The following MECR variants were observed in gnomAD, a reference collection of about 807,000 sequenced individuals.
The protein encoded by MECR is mitochondrial trans-2-enoyl-CoA reductase.
A neutral mutation model predicts 49.1 loss-of-function variants in MECR; 37 were observed. The observed-to-expected ratio is 0.75, with a 90% CI of 0.58 to 0.99. MECR has a LOEUF of 0.99. Ranked by LOEUF, MECR falls within the 50% of genes least tolerant of loss-of-function variation. The pLI, the probability that MECR is intolerant of heterozygous loss-of-function variation, is 0.00. For synonymous variants in MECR, 198 were observed against 191.1 expected (o/e 1.04, Z -0.30); for missense variants, 470 against 479.6 (o/e 0.98, Z 0.19).
downstream of MECR, among the ~76,000 whole-genome samples, chr1:29,191,614 G>A (rs1673134838): frequency 6.6e-6 from 1 of 152,186 alleles, no homozygotes; most frequent in Admixed American, 6.5e-5. Flanking sequence ...CACTAACCTA[G>A]AGGACAGGGA....
chr1:29,199,622 T>C (rs1443495890), intron 7 of MECR, among the ~76,000 whole-genome samples: 1 of 151,866 alleles, frequency 6.6e-6, no homozygotes, highest in Admixed American at 6.6e-5. Flanking sequence ...TAGGTAACTT[T>C]TTTTTTTCTT....
chr1:29,200,074 T>C lies in MECR; in HGVS notation c.830+442A>G, dbSNP rs191174159. Among the ~76,000 whole-genome samples, 4 of 152,362 alleles carry C rather than the reference T, an allele frequency of 2.6e-5. No individual in the cohort carries two copies. In the East Asian group the frequency reaches 7.7e-4, roughly 29 times the overall value. ...CAGTGCCCAGCCAACAGGAAACTTT[T>C]ATGCTTAAGTTTTCCTTTGCACTTT... On this transcript the variant is annotated intron_variant, in intron 7 of 9. Transcript: ENST00000263702.
chr1:29,209,462 T>C (rs1372308832), intron 3 of MECR, among the ~76,000 whole-genome samples: 1 of 152,134 alleles, frequency 6.6e-6, no homozygotes, highest in African/African-American at 2.4e-5. Flanking sequence ...GATCACTTTA[T>C]TGCTGGGTGA....
At chr1:29,188,342 A>G (rs936038077), downstream of MECR, among the ~76,000 whole-genome samples, 1 of 151,754 alleles carries the variant, frequency 6.6e-6, no homozygotes, top group Admixed American at 6.6e-5. Flanking sequence ...GGTGCCTGCC[A>G]CCACGCCCGG....
the MECR span, among the ~76,000 whole-genome samples, chr1:29,180,851 G>A: frequency 6.6e-6 from 1 of 152,204 alleles, no homozygotes; most frequent in Non-Finnish European, 1.5e-5. Flanking sequence ...CTCTGGGGGA[G>A]GCAGTAAGTT....
At position 29,201,795 on chromosome 1, in the gene MECR, A is replaced by G; in HGVS notation, c.756+148T>C. 2 of 720,764 alleles carry G rather than the reference A, an allele frequency of 2.8e-6. No individual in the cohort carries two copies. Among genetic ancestry groups the G allele is most frequent in the Non-Finnish European group, 4.9e-6 (2 of 406,270 alleles). The allele number at this position is 720,764 out of a possible 1,614,324, so 44.6% of individuals were successfully genotyped here. A position where few individuals can be genotyped will look rare whatever the true frequency, so the allele number is the denominator to read the frequency against. On this transcript the variant is annotated intron_variant, in intron 6 of 9. Transcript: ENST00000263702. The surrounding 1 kb of genome is among the most constrained non-coding windows in gnomAD (Gnocchi z 4.3). Reference sequence around the variant, plus strand: ...AATGCGTGCTGCCTGCCGCCTGGCTAGGGGGAATGGGCTTTAACCAACCAA... The same window carrying G: ...AATGCGTGCTGCCTGCCGCCTGGCTGGGGGGAATGGGCTTTAACCAACCAA...
chr1:29,199,421 G>C (rs1047437937), intron 7 of MECR, among the ~76,000 whole-genome samples: 1 of 151,786 alleles, frequency 6.6e-6, no homozygotes, highest in East Asian at 2.0e-4. Context: ...TAGACACGGG[G>C]TTTCACCGTG....
At chr1:29,184,212 G>A in the MECR span, among the ~76,000 whole-genome samples, 1 of 131,336 alleles carries the variant, frequency 7.6e-6, no homozygotes, top group African/African-American at 2.9e-5. Context: ...GTCTTGGTCT[G>A]TTGCCCAAGA....
rs749792867 is a variant in MECR, at chr1:29,230,733, G to T, written c.174C>A (p.Val58=). 1 of 1,575,716 alleles carries T rather than the reference G, an allele frequency of 6.3e-7. No homozygotes were observed. The highest frequency in any genetic ancestry group is 8.6e-7 in the Non-Finnish European group (1 of 1,160,590). ...YGHHGDPAKV[V]ELKNLELAAV... is the part of the protein sequence containing the mutation. ...CCGGCTTCGGCGCCGTCTCTTACTC[G>T]ACGACCTTGGCTGGATCCCCGTGGT... is the stretch of plus-strand genomic sequence containing the variant. Residue 58 remains valine (V), a splice_region_variant and synonymous_variant, in exon 1 of 10, where the codon GTC becomes GTA. Coordinates refer to ENST00000263702, the MANE Select transcript of MECR (RefSeq NM_016011.5).
chr1:29,227,500 C>G (rs970594389), intron 1 of MECR, among the ~76,000 whole-genome samples: 2 of 152,186 alleles, frequency 1.3e-5, no homozygotes, highest in Non-Finnish European at 2.9e-5. Flanking sequence ...GAGAGAACAG[C>G]TGCAATGTTT....
At chr1:29,183,099 A>G in the MECR span, among the ~76,000 whole-genome samples, 3 of 152,218 alleles carry the variant, frequency 2.0e-5, no homozygotes, top group Non-Finnish European at 4.4e-5. Flanking sequence ...TACACAGTGA[A>G]AAGTCTTCGC....
downstream of MECR, among the ~76,000 whole-genome samples, chr1:29,188,946 C>A (rs996141176): frequency 4.3e-4 from 63 of 146,156 alleles, no homozygotes; most frequent in African/African-American, 1.5e-3. Context: ...CCTATGTTAA[C>A]TTTTTTGTAT....
At chr1:29,182,577 T>C in the MECR span, among the ~76,000 whole-genome samples, 3 of 151,630 alleles carry the variant, frequency 2.0e-5, no homozygotes, top group Non-Finnish European at 4.4e-5. Flanking sequence ...CGAGTTTCGC[T>C]CGGTCGCCCA....
intron 7 of MECR, among the ~76,000 whole-genome samples, chr1:29,197,400 T>C (rs2151847625): frequency 6.6e-6 from 1 of 152,340 alleles, no homozygotes; most frequent in African/African-American, 2.4e-5. Context: ...ATCTTCTCAC[T>C]GCAGGAGGTG....
the MECR span, among the ~76,000 whole-genome samples, chr1:29,179,096 G>C: frequency 6.6e-6 from 1 of 151,734 alleles, no homozygotes; most frequent in African/African-American, 2.4e-5. Context: ...TCCTCTTATC[G>C]CTCCATCTTC....
intron 1 of MECR, chr1:29,229,014 G>A (rs1327617316): frequency 1.3e-5 from 2 of 152,146 alleles, no homozygotes; most frequent in South Asian, 2.1e-4. Context: ...TTACAACGCA[G>A]TCCTTAGTGA....
At chr1:29,175,694 C>CAAAAAAA in the MECR span, among the ~76,000 whole-genome samples, 295 of 38,574 alleles carry the variant, frequency 7.6e-3, 34 homozygotes, top group Middle Eastern at 0.079. Context: ...GACGCTGTCT[C>CAAAAAAA]AAAAAAAAAA....
intron 3 of MECR, among the ~76,000 whole-genome samples, 180 bp downstream of exon 3, chr1:29,215,825 C>G (rs1482954550): frequency 6.6e-6 from 1 of 152,060 alleles, no homozygotes; most frequent in Admixed American, 6.6e-5. Flanking sequence ...GAGCTGAGAT[C>G]GCGCCATTGC....
chr1:29,223,331 A>G, intron 1 of MECR: 2 of 975,394 alleles, frequency 2.1e-6, no homozygotes, highest in Non-Finnish European at 2.4e-6. Context: ...AGGGGGGAAA[A>G]GAGGCCAGTA....
Sources: gnomAD v4.1 joint callset for allele counts (sites outside exome capture counted in the v4.1 genomes callset) on GRCh38, gnomAD v4.1.1 for gene constraint, Gnocchi (gnomAD v3.1) non-coding constraint, MANE v1.5 for transcripts, NCBI Gene and HGNC (gene_info 2026-07-23, HGNC 2026-07-21) for gene names.